The following INSC variants were observed in gnomAD, a reference collection of about 807,000 sequenced individuals.
INSC encodes protein inscuteable homolog.
A neutral mutation model predicts 58.6 loss-of-function variants in INSC; 67 were observed. That is an observed-to-expected ratio of 1.14 (90% confidence interval 0.94 to 1.40). The LOEUF is 1.40. Ranked by LOEUF, INSC falls within the 40% of genes most tolerant of loss-of-function variation. The probability of loss-of-function intolerance (pLI) is 0.00; values close to 1 mark genes in which losing one functional copy is unlikely to be tolerated. For missense variants in INSC, 714 were observed against 692.0 expected (o/e 1.03, Z -0.36); for synonymous variants, 262 against 276.1 (o/e 0.95, Z 0.51).
chr11:15,129,745 T>C (rs1161622574), intron 1 of INSC, among the ~76,000 whole-genome samples: 6 of 152,238 alleles, frequency 3.9e-5, no homozygotes, highest in Admixed American at 3.9e-4. Flanking sequence ...TAAAACCTTA[T>C]ATCAATTAAA....
intron 2 of INSC, among the ~76,000 whole-genome samples, chr11:15,157,648 A>G (rs1848861320): frequency 6.6e-6 from 1 of 152,188 alleles, no homozygotes; most frequent in Non-Finnish European, 1.5e-5. Context: ...AGAGTCAGGC[A>G]AGCTATGCAA....
chr11:15,255,189 A>G, the INSC span, among the ~76,000 whole-genome samples: 1 of 152,194 alleles, frequency 6.6e-6, no homozygotes, highest in Admixed American at 6.6e-5. Context: ...TTGTGTATAA[A>G]TAAGCCCAAT....
chr11:15,268,431 G>T, the INSC span, among the ~76,000 whole-genome samples: 6 of 152,028 alleles, frequency 3.9e-5, no homozygotes, highest in African/African-American at 1.4e-4. Context: ...GACTCAGACT[G>T]TTCCATTTAA....
At chr11:15,269,259 A>G in the INSC span, among the ~76,000 whole-genome samples, 2 of 152,008 alleles carry the variant, frequency 1.3e-5, no homozygotes, top group Non-Finnish European at 2.9e-5. Flanking sequence ...ATCTTTGCCT[A>G]TTATATATTA....
Position 15,178,381 on chromosome 11 carries a change from G to A in INSC, c.513G>A (p.Glu171=). ...VLKSMKACVS[E]TLSMLGQHFG... ...AGTCAATGAAGGCCTGCGTGAGTGA[G>A]ACCCTGAGCATGCTGGGCCAGCACT... The change falls in exon 5 of 13, where the codon GAG becomes GAA. Residue 171 remains glutamate (E), a synonymous_variant. Coordinates refer to ENST00000379556, the MANE Select transcript of INSC (RefSeq NM_001042536.3). 6.2e-7 allele frequency: 1 copy of A among 1,613,818 alleles called. No homozygotes were observed. Among genetic ancestry groups the A allele is most frequent in the South Asian group, 1.1e-5 (1 of 91,076 alleles).
chr11:15,114,867 C>CG (rs1276566099), upstream of INSC: 143 of 752,914 alleles, frequency 1.9e-4, 1 homozygote, highest in African/African-American at 8.4e-3. Context: ...GAGAACGGGG[C>CG]GGGGGGTGGG....
At chr11:15,148,904 AT>A (rs1309727029) in intron 1 of INSC, among the ~76,000 whole-genome samples, 1 of 152,206 alleles carries the variant, frequency 6.6e-6, no homozygotes, top group African/African-American at 2.4e-5. Context: ...ATAAGAAAAT[AT>A]TTTAGAGATA....
chr11:15,263,840 C>T, the INSC span, among the ~76,000 whole-genome samples: 3 of 152,150 alleles, frequency 2.0e-5, no homozygotes, highest in Non-Finnish European at 2.9e-5. Context: ...ACTGAAGTTC[C>T]TGTTTCTTTG....
chr11:15,214,837 T>C (rs1200721880), intron 7 of INSC, among the ~76,000 whole-genome samples: 1 of 152,184 alleles, frequency 6.6e-6, no homozygotes, highest in East Asian at 1.9e-4. Flanking sequence ...GATAAAAAGA[T>C]GAGTTCAGCT....
intron 8 of INSC, among the ~76,000 whole-genome samples, chr11:15,224,716 G>A (rs1035764314): frequency 3.9e-5 from 6 of 152,154 alleles, no homozygotes; most frequent in South Asian, 2.1e-4. Flanking sequence ...TGAGGTGGGC[G>A]TCCATTCCAG....
intron 7 of INSC, among the ~76,000 whole-genome samples, chr11:15,212,588 T>C (rs577595026): frequency 6.6e-6 from 1 of 152,394 alleles, no homozygotes; most frequent in East Asian, 1.9e-4. Flanking sequence ...ACATCTTTTT[T>C]AGATTTATTC....
intron 1 of INSC, among the ~76,000 whole-genome samples, chr11:15,121,481 G>A (rs576893463): frequency 4.4e-4 from 67 of 152,320 alleles, no homozygotes; most frequent in Non-Finnish European, 8.4e-4. Flanking sequence ...ATATCAGCAA[G>A]CACATGATGT....
intron 11 of INSC, 88 bp downstream of exon 11, chr11:15,239,162 A>G (rs1852247426): frequency 1.4e-6 from 2 of 1,469,654 alleles, no homozygotes; most frequent in South Asian, 1.3e-5. Flanking sequence ...AACAGTGGAC[A>G]CAGGGCAAGA....
At chr11:15,254,681 C>T in the INSC span, among the ~76,000 whole-genome samples, 209 of 152,290 alleles carry the variant, frequency 1.4e-3, 2 homozygotes, top group African/African-American at 4.7e-3. Context: ...GCTCAATAAA[C>T]GTGGTTACAG....
chr11:15,171,733 T>C (rs1370861913), intron 2 of INSC, among the ~76,000 whole-genome samples: 2 of 152,216 alleles, frequency 1.3e-5, no homozygotes, highest in Non-Finnish European at 2.9e-5. Context: ...TTACAAGCAA[T>C]AGAAATTAAC....
At chr11:15,224,959 G>T (rs1851576633) in intron 8 of INSC, among the ~76,000 whole-genome samples, 1 of 152,150 alleles carries the variant, frequency 6.6e-6, no homozygotes, top group Non-Finnish European at 1.5e-5. Flanking sequence ...GTTGATGGCA[G>T]CTGGAGGGGT....
At chr11:15,178,182 G>T (rs894107212) in intron 4 of INSC, 142 bp from the exon 5 acceptor site, 3 of 1,128,436 alleles carry the variant, frequency 2.7e-6, no homozygotes, top group Non-Finnish European at 3.8e-6. Context: ...GCCAGCTGTG[G>T]AATATTCCAT....
rs771537267 is a variant in INSC at position 15,225,836 on chromosome 11, G to A, written c.1170+8G>A. ...CCTTACACTCGGGACCAGGTAAGAC[G>A]CCCAGAAGGCACTGAGCACAGGGCC... is the stretch of plus-strand genomic sequence containing the variant. On this transcript the variant is annotated splice_region_variant and intron_variant, in intron 9 of 12. Coordinates refer to ENST00000379556, the MANE Select transcript of INSC (RefSeq NM_001042536.3). 1.1e-5 allele frequency: 18 copies of A among 1,609,346 alleles called. No homozygotes were observed. The highest frequency in any genetic ancestry group is 9.0e-5 in the East Asian group (4 of 44,584).
intron 5 of INSC, among the ~76,000 whole-genome samples, chr11:15,186,219 C>T (rs2133850347): frequency 6.7e-6 from 1 of 149,198 alleles, no homozygotes; most frequent in Admixed American, 6.8e-5. Flanking sequence ...TTTGAATATA[C>T]CAGTTTTTAA....
Sources: allele counts gnomAD v4.1 joint callset (sites outside exome capture counted in the v4.1 genomes callset), GRCh38; gene constraint gnomAD v4.1.1; transcripts MANE v1.5; gene names NCBI Gene and HGNC (gene_info 2026-07-23, HGNC 2026-07-21).